The following KANK1 variants were observed in gnomAD, a reference collection of about 807,000 sequenced individuals.
KANK1 encodes KN motif and ankyrin repeat domains 1.
KANK1 carries 109 observed loss-of-function variants against 106.2 expected under a neutral mutation model. That is an observed-to-expected ratio of 1.03 (90% confidence interval 0.88 to 1.20). KANK1 has a LOEUF of 1.20. KANK1 is among the 50% of genes most tolerant of loss of function. The probability of loss-of-function intolerance (pLI) is 0.00; values close to 1 mark genes in which losing one functional copy is unlikely to be tolerated. For synonymous variants in KANK1, 873 were observed against 652.2 expected (o/e 1.34, Z -5.16); for missense variants, 2,399 against 1,710.7 (o/e 1.40, Z -7.10).
At chr9:507,749 G>A (rs1263208648) in intron 1 of KANK1, among the ~76,000 whole-genome samples, 1 of 152,020 alleles carries the variant, frequency 6.6e-6, no homozygotes, top group Non-Finnish European at 1.5e-5. Context: ...GTAGAGACAG[G>A]GTTTCACTAT....
intron 1 of KANK1, among the ~76,000 whole-genome samples, chr9:596,137 G>A (rs780975679): frequency 2.0e-5 from 3 of 151,884 alleles, no homozygotes; most frequent in East Asian, 1.9e-4. Flanking sequence ...CATTTTGGCT[G>A]TAACCTGTCA....
intron 1 of KANK1, among the ~76,000 whole-genome samples, chr9:544,302 C>G (rs2060795650): frequency 6.6e-6 from 1 of 152,162 alleles, no homozygotes; most frequent in South Asian, 2.1e-4. Flanking sequence ...GGAGTACAGG[C>G]AAGAGCCACT....
rs547011996 is a variant in KANK1, at chr9:606,460, A to G, written c.-83-70430A>G. Among the ~76,000 whole-genome samples, 192 of 147,602 alleles carry G rather than the reference A, an allele frequency of 1.3e-3. 29 individuals are homozygous for G. Among genetic ancestry groups the G allele is most frequent in the African/African-American group, 4.8e-3 (180 of 37,500 alleles). ...AATCTCAGCTACTCAGGAGGTTGAG[A>G]CAGGAGAATCACTTGAACCCAGGAG... On this transcript the variant is annotated intron_variant, in intron 1 of 11. Coordinates refer to ENST00000382297, the MANE Select transcript of KANK1 (RefSeq NM_015158.5).
intron 1 of KANK1, among the ~76,000 whole-genome samples, chr9:508,949 G>A (rs975752703): frequency 2.2e-4 from 34 of 152,130 alleles, no homozygotes; most frequent in African/African-American, 8.0e-4. Flanking sequence ...TCCAAACTAG[G>A]ATTCAGTTTA....
chr9:683,418 A>G (rs1374110212), intron 2 of KANK1, among the ~76,000 whole-genome samples: 2 of 152,152 alleles, frequency 1.3e-5, no homozygotes, highest in Non-Finnish European at 2.9e-5. Flanking sequence ...TAAGAACTAA[A>G]AGGGTGTGTT....
At chr9:679,468 G>T (rs1303628049) in intron 2 of KANK1, among the ~76,000 whole-genome samples, 1 of 152,108 alleles carries the variant, frequency 6.6e-6, no homozygotes, top group African/African-American at 2.4e-5. Flanking sequence ...AGGCTGGAGT[G>T]CAGTGGCACG....
At chr9:710,630 C>CAAAAAAAAAAAAAAAAA (rs1190499924) in intron 2 of KANK1, among the ~76,000 whole-genome samples, 174 bp from the exon 3 acceptor site, 1 of 57,784 alleles carries the variant, frequency 1.7e-5, no homozygotes. Context: ...AAAAAAAAAA[C>CAAAAAAAAAAAAAAAAA]AAAAAAAAAC....
chr9:603,454 T>C (rs1273865912), intron 1 of KANK1, among the ~76,000 whole-genome samples: 1 of 151,838 alleles, frequency 6.6e-6, no homozygotes, highest in Non-Finnish European at 1.5e-5. Flanking sequence ...CCATCTAATG[T>C]AAAGGTTAGT....
chr9:499,913 T>C (rs1198033975), upstream of KANK1, among the ~76,000 whole-genome samples: 2 of 152,200 alleles, frequency 1.3e-5, no homozygotes, highest in Admixed American at 1.3e-4. Context: ...GAAAAGGGGC[T>C]TGCTAGTTAA....
chr9:660,351 A>G (rs1012646040), intron 1 of KANK1: 24 of 199,504 alleles, frequency 1.2e-4, no homozygotes, highest in Non-Finnish European at 1.9e-4. Flanking sequence ...TGAAGCTTGA[A>G]TGAGGTTTTC....
intron 1 of KANK1, among the ~76,000 whole-genome samples, chr9:521,313 T>G (rs2133219144): frequency 6.6e-6 from 1 of 151,722 alleles, no homozygotes; most frequent in South Asian, 2.1e-4. Context: ...GGCCATCTAC[T>G]TAGGCAAGAG....
Position 642,837 on chromosome 9 carries a change from G to C in KANK1, c.-83-34053G>C, listed in dbSNP as rs188472954. Among the ~76,000 whole-genome samples the C allele has an allele frequency of 2.5e-3, 372 of 149,854 alleles. 32 individuals are homozygous for C. The highest frequency in any genetic ancestry group is 8.5e-3 in the African/African-American group (336 of 39,578). On this transcript the variant is annotated intron_variant, in intron 1 of 11. Transcript: ENST00000382297. ...TTAGTCCTTCCTTTTGGTATTTTGA[G>C]AGTTTTATTTTTAGGCCTCTCCTTG...
At chr9:571,353 G>A (rs1180757600) in intron 1 of KANK1, among the ~76,000 whole-genome samples, 1 of 152,156 alleles carries the variant, frequency 6.6e-6, no homozygotes, top group Non-Finnish European at 1.5e-5. Context: ...GTGTTCCTTT[G>A]GCAACACGTG....
At chr9:545,759 C>G (rs62531491) in intron 1 of KANK1, among the ~76,000 whole-genome samples, 9 of 124,580 alleles carry the variant, frequency 7.2e-5, no homozygotes, top group Non-Finnish European at 1.3e-4. Flanking sequence ...TTTAAATTCC[C>G]TGAGATGTAG....
At chr9:519,643 C>T (rs1275362730) in intron 1 of KANK1, among the ~76,000 whole-genome samples, 1 of 147,322 alleles carries the variant, frequency 6.8e-6, no homozygotes, top group South Asian at 2.2e-4. Context: ...CAGACAATTA[C>T]ATTTCCTTAT....
At chr9:640,274 C>T (rs188408811) in intron 1 of KANK1, among the ~76,000 whole-genome samples, 29 of 152,220 alleles carry the variant, frequency 1.9e-4, no homozygotes, top group Middle Eastern at 3.4e-3. Flanking sequence ...CAGAGTCTCG[C>T]TCTGTCGCCT....
intron 1 of KANK1, among the ~76,000 whole-genome samples, chr9:587,988 C>G (rs1343305342): frequency 3.3e-5 from 5 of 151,968 alleles, no homozygotes; most frequent in Non-Finnish European, 7.4e-5. Flanking sequence ...ATTGCTTGAA[C>G]CTGGGAGGCA....
chr9:673,616 A>G (rs1815739399), intron 1 of KANK1: 1 of 152,162 alleles, frequency 6.6e-6, no homozygotes, highest in Non-Finnish European at 1.5e-5. Context: ...GGAGGCACCA[A>G]TTTGGATCTG....
chr9:642,551 G>C (rs920655793), intron 1 of KANK1, among the ~76,000 whole-genome samples: 1 of 150,800 alleles, frequency 6.6e-6, no homozygotes, highest in Non-Finnish European at 1.5e-5. Flanking sequence ...AAAATTCTTG[G>C]TTCTTGGACA....
Sources: gnomAD v4.1 joint callset for allele counts (sites outside exome capture counted in the v4.1 genomes callset) on GRCh38, gnomAD v4.1.1 for gene constraint, MANE v1.5 for transcripts, NCBI Gene and HGNC (gene_info 2026-07-23, HGNC 2026-07-21) for gene names.